The following SNX25 variants were observed in gnomAD, a reference collection of about 807,000 sequenced individuals.
The protein encoded by SNX25 is sorting nexin 25.
SNX25 carries 62 observed loss-of-function variants against 113.7 expected under a neutral mutation model. That is an observed-to-expected ratio of 0.55 (90% CI 0.44 to 0.67). The LOEUF (loss-of-function observed/expected upper bound fraction) is 0.67. Among genes scored for constraint, SNX25 ranks in the 30% least tolerant of loss-of-function variants. The pLI, the probability that SNX25 is intolerant of heterozygous loss-of-function variation, is 0.00. For synonymous variants in SNX25, 421 were observed against 436.2 expected, an observed-to-expected ratio of 0.97 and a Z score of 0.43; for missense variants, 1,014 against 1,161.0, an observed-to-expected ratio of 0.87 and a Z score of 1.84.
At position 185,210,242 on chromosome 4, in the gene SNX25, G is replaced by A; in HGVS notation, c.416G>A (p.Arg139His). 1.0e-6 allele frequency: 1 copy of A among 984,924 alleles called. No homozygotes were observed. Among genetic ancestry groups the A allele is most frequent in the Middle Eastern group, 5.2e-4 (1 of 1,916 alleles). 61.0% of individuals were successfully genotyped at this position (984,924 alleles called of 1,614,324 possible). A position where few individuals can be genotyped will look rare whatever the true frequency, so the allele number is the denominator to read the frequency against. The change falls in exon 1 of 19, where the codon CGC becomes CAC. Residue 139 changes from arginine to histidine, a missense_variant. Coordinates refer to ENST00000652585, the MANE Select transcript of SNX25 (RefSeq NM_001378034.2). The surrounding 1 kb of genome is among the most constrained non-coding windows in gnomAD (Gnocchi z 4.4). ...WSRLAATSAA[R>H]RPPGSPVYGN... ...CGGCTGGCCGCGACCTCAGCCGCCCGCCGCCCGCCGGGGGTAAGTACCCGA... is the reference window on the plus strand; with the variant it reads ...CGGCTGGCCGCGACCTCAGCCGCCCACCGCCCGCCGGGGGTAAGTACCCGA...
At chr4:185,211,275 A>T (rs1579294346) in intron 1 of SNX25, among the ~76,000 whole-genome samples, 1 of 152,332 alleles carries the variant, frequency 6.6e-6, no homozygotes, top group African/African-American at 2.4e-5. Context: ...ATAATGGCGG[A>T]AGGCATTAGT....
upstream of SNX25, among the ~76,000 whole-genome samples, chr4:185,206,660 C>CAAAAAAAAA (rs375061067): frequency 3.1e-4 from 24 of 77,408 alleles, no homozygotes; most frequent in African/African-American, 5.6e-4. Context: ...ACTCTTGTCT[C>CAAAAAAAAA]AAAAAAAAAA....
intron 1 of SNX25, among the ~76,000 whole-genome samples, chr4:185,239,400 T>G (rs189007429): frequency 0.027 from 4,040 of 152,110 alleles, 83 homozygotes; most frequent in Admixed American, 0.059. Flanking sequence ...GGAGAATGGC[T>G]TGAACCCAGG....
chr4:185,278,535 T>C (rs964334749), intron 5 of SNX25, among the ~76,000 whole-genome samples: 4 of 152,014 alleles, frequency 2.6e-5, no homozygotes, highest in Non-Finnish European at 4.4e-5. Context: ...AGTTCTCGGA[T>C]CATAGTAGTC....
At position 185,232,117 on chromosome 4, in the gene SNX25, C is replaced by T. The variant is rs1741966925; in HGVS notation, c.430-15177C>T. ...AGTTAATGTGAAAAACACACTCACC[C>T]GTCTAAACCCAAAGAATGGACTCAG... On this transcript the variant is annotated intron_variant, in intron 1 of 18. Coordinates refer to ENST00000652585, the MANE Select transcript of SNX25 (RefSeq NM_001378034.2). This position sits in a 1 kb window ranked among gnomAD's most constrained non-coding sequence, Gnocchi z 4.4. Among the ~76,000 whole-genome samples the T allele has an allele frequency of 1.3e-5, 2 of 152,062 alleles. No individual in the cohort carries two copies. The highest frequency in any genetic ancestry group is 6.6e-5 in the Admixed American group (1 of 15,264).
chr4:185,349,143 A>G lies in SNX25; in HGVS notation c.2302-2302A>G, dbSNP rs569868519. Among the ~76,000 whole-genome samples the G allele has an allele frequency of 6.6e-5, 10 of 152,308 alleles. No homozygotes were observed. The South Asian group carries it at 2.1e-3, about 32-fold the overall frequency. On this transcript the variant is annotated intron_variant, in intron 13 of 18. Coordinates refer to ENST00000652585, the MANE Select transcript of SNX25 (RefSeq NM_001378034.2). ...GAAGAAGGATTGTCTTGGGCCACAC[A>G]TAAAATACACTAACCCTAACGACAG...
At chr4:185,212,492 T>TTTCTG (rs1560890025) in intron 1 of SNX25, among the ~76,000 whole-genome samples, 3 of 27,868 alleles carry the variant, frequency 1.1e-4, no homozygotes, top group African/African-American at 3.5e-4. Flanking sequence ...TGTGTGTGTG[T>TTTCTG]TTTTTTTTTT....
rs980096205 is a variant in SNX25, at chr4:185,232,552, T to C, written c.430-14742T>C. Among the ~76,000 whole-genome samples the C allele has an allele frequency of 6.6e-6, 1 of 152,212 alleles. No individual in the cohort carries two copies. Among genetic ancestry groups the C allele is most frequent in the African/African-American group, 2.4e-5 (1 of 41,448 alleles). On this transcript the variant is annotated intron_variant, in intron 1 of 18. Transcript: ENST00000652585. This position sits in a 1 kb window ranked among gnomAD's most constrained non-coding sequence, Gnocchi z 4.4. ...TTCAAAAATGGACCATTTAAAATGT[T>C]TCCTCACAGTTAACAAATTAACTAA...
At chr4:185,352,406 G>C (rs547959070) in intron 14 of SNX25, among the ~76,000 whole-genome samples, 2 of 152,256 alleles carry the variant, frequency 1.3e-5, no homozygotes, top group African/African-American at 4.8e-5. Context: ...ATTCTCAGCT[G>C]GGGCGGAAGT....
chr4:185,250,389 C>G (rs1436248633), intron 2 of SNX25, among the ~76,000 whole-genome samples: 2 of 152,226 alleles, frequency 1.3e-5, no homozygotes, highest in African/African-American at 4.8e-5. Flanking sequence ...TACCCCTATA[C>G]ATGTGTAGTT....
chr4:185,238,174 G>A (rs567897224), intron 1 of SNX25, among the ~76,000 whole-genome samples: 2 of 151,408 alleles, frequency 1.3e-5, no homozygotes, highest in Admixed American at 6.6e-5. Context: ...TTAGATCCCT[G>A]ATATTATTTA....
downstream of SNX25, chr4:185,367,113 G>T: frequency 7.6e-7 from 1 of 1,310,538 alleles, no homozygotes. Flanking sequence ...ACCAAACATA[G>T]CTACTGTAAA....
At chr4:185,292,403 T>A (rs956404543) in intron 6 of SNX25, among the ~76,000 whole-genome samples, 1 of 152,092 alleles carries the variant, frequency 6.6e-6, no homozygotes, top group African/African-American at 2.4e-5. Flanking sequence ...TTTGTTTGTT[T>A]GTTTGTTTGT....
chr4:185,308,813 T>C (rs1013002086), intron 6 of SNX25, among the ~76,000 whole-genome samples: 2 of 152,158 alleles, frequency 1.3e-5, no homozygotes, highest in African/African-American at 4.8e-5. Context: ...CTGGGTTGTC[T>C]CACACACTCC....
chr4:185,219,269 A>G (rs868336673), intron 1 of SNX25, among the ~76,000 whole-genome samples: 7 of 152,178 alleles, frequency 4.6e-5, no homozygotes, highest in Admixed American at 2.0e-4. Context: ...TTTTTAAAAA[A>G]TGTTTTTGGG....
chr4:185,303,969 G>A (rs959766000), intron 6 of SNX25, among the ~76,000 whole-genome samples: 2 of 152,282 alleles, frequency 1.3e-5, no homozygotes, highest in African/African-American at 4.8e-5. Flanking sequence ...AACTGTTGAG[G>A]TGATTTCTAG....
At chr4:185,224,196 C>G (rs1740466217) in intron 1 of SNX25, among the ~76,000 whole-genome samples, 1 of 151,664 alleles carries the variant, frequency 6.6e-6, no homozygotes, top group Non-Finnish European at 1.5e-5. Flanking sequence ...ACTAGAAATA[C>G]AAAAAATTAG....
chr4:185,302,338 G>A (rs1254350825), intron 6 of SNX25, among the ~76,000 whole-genome samples: 1 of 152,158 alleles, frequency 6.6e-6, no homozygotes, highest in African/African-American at 2.4e-5. Flanking sequence ...AAGCTGGTTG[G>A]TCAGAAGTTC....
chr4:185,320,444 G>A (rs2095110781), intron 7 of SNX25, among the ~76,000 whole-genome samples: 1 of 152,116 alleles, frequency 6.6e-6, no homozygotes, highest in Admixed American at 6.5e-5. Flanking sequence ...CATGGACACA[G>A]GGAGGGGAAC....
Sources: allele counts gnomAD v4.1 joint callset (sites outside exome capture counted in the v4.1 genomes callset), GRCh38; gene constraint gnomAD v4.1.1; non-coding constraint Gnocchi (gnomAD v3.1); transcripts MANE v1.5; gene names NCBI Gene and HGNC (gene_info 2026-07-23, HGNC 2026-07-21).